CTSL: variants seen among roughly 807,000 people sequenced by gnomAD.
The protein encoded by CTSL is cathepsin L, also known as procathepsin L.
Under a neutral mutation model 34.7 loss-of-function variants are expected in CTSL, and 23 were observed. That is an observed-to-expected ratio of 0.66 (90% CI 0.48 to 0.94). The LOEUF is 0.94. Among genes scored for constraint, CTSL ranks in the 40% least tolerant of loss-of-function variants. CTSL has a pLI of 0.00. For synonymous variants in CTSL, 129 were observed against 136.7 expected, an observed-to-expected ratio of 0.94 and a Z score of 0.39; for missense variants, 361 against 406.3, an observed-to-expected ratio of 0.89 and a Z score of 0.96.
chr9:87,729,176 A>G (rs545985641), intron 5 of CTSL, among the ~76,000 whole-genome samples: 1 of 152,174 alleles, frequency 6.6e-6, no homozygotes, highest in African/African-American at 2.4e-5. Context: ...AAAAAAAAAA[A>G]AAAGTTCACA....
chr9:87,729,229 C>CATTATAAATTATT (rs1191578977), intron 5 of CTSL, among the ~76,000 whole-genome samples: 1 of 151,870 alleles, frequency 6.6e-6, no homozygotes, highest in African/African-American at 2.4e-5. Context: ...TCAGTACTGT[C>CATTATAAATTATT]ATTATAAATT....
chr9:87,728,436 A>G, intron 4 of CTSL, 40 bp downstream of exon 4: 1 of 1,599,164 alleles, frequency 6.3e-7, no homozygotes, highest in Non-Finnish European at 8.5e-7. Context: ...TCTTCCCAGG[A>G]AAGCCAAGAA....
intron 5 of CTSL, among the ~76,000 whole-genome samples, chr9:87,729,174 A>AG (rs1323467434): frequency 1.3e-5 from 2 of 152,034 alleles, no homozygotes; most frequent in Non-Finnish European, 2.9e-5. Flanking sequence ...CCAAAAAAAA[A>AG]AAAAAGTTCA....
chr9:87,727,579 T>C lies in CTSL; in HGVS notation c.-10-15T>C. ...GATTGGTCTAATCAGATCCTCATTT[T>C]TGTTCCCTTCCTAGGTTTTAAAACA... On this transcript the variant is annotated splice_polypyrimidine_tract_variant and intron_variant, in intron 1 of 7. Transcript: ENST00000343150. The C allele has an allele frequency of 6.2e-7, 1 of 1,613,386 alleles. No individual in the cohort carries two copies. The highest frequency in any genetic ancestry group is 1.3e-5 in the African/African-American group (1 of 74,994).
chr9:87,727,586 C>A lies in CTSL; in HGVS notation c.-10-8C>A. On this transcript the variant is annotated splice_region_variant and splice_polypyrimidine_tract_variant and intron_variant, in intron 1 of 7. Coordinates refer to ENST00000343150, the MANE Select transcript of CTSL (RefSeq NM_001912.5). Reference sequence around the variant, plus strand: ...CTAATCAGATCCTCATTTTTGTTCCCTTCCTAGGTTTTAAAACATGAATCC... The same window carrying A: ...CTAATCAGATCCTCATTTTTGTTCCATTCCTAGGTTTTAAAACATGAATCC... The A allele has an allele frequency of 6.2e-7, 1 of 1,613,222 alleles. No homozygotes were observed. The highest frequency in any genetic ancestry group is 8.5e-7 in the Non-Finnish European group (1 of 1,179,784).
At chr9:87,727,488 A>G (rs905183332) in intron 1 of CTSL, 106 bp from the exon 2 acceptor site, 12 of 1,172,500 alleles carry the variant, frequency 1.0e-5, no homozygotes, top group Non-Finnish European at 1.5e-5. Flanking sequence ...TGGGAGAATA[A>G]TTTAAATATT....
rs1410201024 is a variant in CTSL at position 87,727,603 on chromosome 9, C to T, written c.-1C>T. 19 of 1,613,882 alleles carry T rather than the reference C, an allele frequency of 1.2e-5. No individual in the cohort carries two copies. Among genetic ancestry groups the T allele is most frequent in the Non-Finnish European group, 1.6e-5 (19 of 1,179,988 alleles). The stretch of plus-strand genomic sequence containing the variant: ...TTTGTTCCCTTCCTAGGTTTTAAAA[C>T]ATGAATCCTACACTCATCCTTGCTG... On this transcript the variant is annotated 5_prime_UTR_variant, in exon 2 of 8. Coordinates refer to ENST00000343150, the MANE Select transcript of CTSL (RefSeq NM_001912.5).
At chr9:87,728,870 A>G (rs761523886) in intron 5 of CTSL, 61 bp downstream of exon 5, 1 of 1,610,698 alleles carries the variant, frequency 6.2e-7, no homozygotes, top group Non-Finnish European at 8.5e-7. Context: ...ACTTTAAGAG[A>G]TAACAGATAC....
rs1775721869 is a variant in CTSL at position 87,728,763 on chromosome 9, A to G, written c.575A>G (p.Asp192Gly). The G allele has an allele frequency of 6.2e-7, 1 of 1,614,246 alleles. No homozygotes were observed. The highest frequency in any genetic ancestry group is 8.5e-7 in the Non-Finnish European group (1 of 1,180,058). The change falls in exon 5 of 8, where the codon GAT (aspartate) becomes GGT (glycine). Residue 192 changes from aspartate (D) to glycine (G), a missense_variant. Asp to Gly is a moderately conservative substitution (Grantham distance 94). Coordinates refer to ENST00000343150, the MANE Select transcript of CTSL (RefSeq NM_001912.5). Reference sequence around the variant, plus strand: ...GATTATGCTTTCCAGTATGTTCAGGATAATGGAGGCCTGGACTCTGAGGAA... The same window carrying G: ...GATTATGCTTTCCAGTATGTTCAGGGTAATGGAGGCCTGGACTCTGAGGAA... The part of the protein sequence containing the change: ...LMDYAFQYVQ[D>G]NGGLDSEESY...
chr9:87,729,564 C>T lies in CTSL; in HGVS notation c.622-9C>T. The T allele has an allele frequency of 2.5e-6, 4 of 1,609,006 alleles. No homozygotes were observed. Among genetic ancestry groups the T allele is most frequent in the Admixed American group, 1.7e-5 (1 of 58,930 alleles). On this transcript the variant is annotated splice_polypyrimidine_tract_variant and intron_variant, in intron 5 of 7. Coordinates refer to ENST00000343150, the MANE Select transcript of CTSL (RefSeq NM_001912.5). Reference sequence around the variant, plus strand: ...AATCAAGTCTTTTTTTTCCCTTTACCTTTGAAAGGAAGAATCCTGTAAGTA... The same window carrying T: ...AATCAAGTCTTTTTTTTCCCTTTACTTTTGAAAGGAAGAATCCTGTAAGTA...
Position 87,728,572 on chromosome 9 carries a change from A to G in CTSL, c.397-13A>G. The G allele has an allele frequency of 6.3e-7, 1 of 1,597,770 alleles. No individual in the cohort carries two copies. The highest frequency in any genetic ancestry group is 1.4e-5 in the African/African-American group (1 of 73,694). ...TTTTTGTGGATGACAGCTTTTTTTA[A>G]TTCCCTTTTCAGGGTCAGTGTGGTT... On this transcript the variant is annotated splice_polypyrimidine_tract_variant and intron_variant, in intron 4 of 7. Transcript: ENST00000343150.
In CTSL at chr9:87,728,400, A is replaced by C. The variant is rs1475180412; in HGVS notation, c.396+4A>C. 6.2e-7 allele frequency: 1 copy of C among 1,612,448 alleles called. No homozygotes were observed. Among genetic ancestry groups the C allele is most frequent in the East Asian group, 2.2e-5 (1 of 44,864 alleles). ...CGTGACTCCTGTGAAGAATCAGGTG[A>C]GACAGTGTCAGGTTCAGACCTCCCA... On this transcript the variant is annotated splice_donor_region_variant and intron_variant, in intron 4 of 7. Coordinates refer to ENST00000343150, the MANE Select transcript of CTSL (RefSeq NM_001912.5).
chr9:87,728,638 G>A lies in CTSL; in HGVS notation c.450G>A (p.Gln150=), dbSNP rs772325261. 8 of 1,614,006 alleles carry A rather than the reference G, an allele frequency of 5.0e-6. No individual in the cohort carries two copies. The Admixed American group carries it at 1.3e-4, about 27-fold the overall frequency. The change falls in exon 5 of 8, where the codon CAG becomes CAA. Residue 150 remains glutamine (Q), a synonymous_variant. Transcript: ENST00000343150. ...GTGCTACTGGTGCTCTTGAAGGACA[G>A]ATGTTCCGGAAAACTGGGAGGCTTA... The part of the protein sequence containing the change: ...AFSATGALEG[Q]MFRKTGRLIS...
Position 87,728,826 on chromosome 9 carries a change from G to C in CTSL, c.621+17G>C. The C allele has an allele frequency of 1.2e-6, 2 of 1,614,158 alleles. No homozygotes were observed. The highest frequency in any genetic ancestry group is 1.7e-6 in the Non-Finnish European group (2 of 1,180,020). On this transcript the variant is annotated intron_variant, in intron 5 of 7. Coordinates refer to ENST00000343150, the MANE Select transcript of CTSL (RefSeq NM_001912.5). ...GAGGCAACAGTAAGTGGAGCTCCTTGTCATCATTCCAGCTCAGCTTTTGGA... is the reference window on the plus strand; with the variant it reads ...GAGGCAACAGTAAGTGGAGCTCCTTCTCATCATTCCAGCTCAGCTTTTGGA...
At position 87,731,266 on chromosome 9, in the gene CTSL, G is replaced by T. The variant is rs777199989; in HGVS notation, c.*159G>T. 22 of 499,312 alleles carry T rather than the reference G, an allele frequency of 4.4e-5. No individual in the cohort carries two copies. Among genetic ancestry groups the T allele is most frequent in the Non-Finnish European group, 6.5e-5 (18 of 278,732 alleles). The allele number at this position is 499,312 out of a possible 1,614,324, so 30.9% of individuals were successfully genotyped here. A position where few individuals can be genotyped will look rare whatever the true frequency, so the allele number is the denominator to read the frequency against. ...CTGTGATATTTTCACACTGGTAAAT[G>T]TTACCTCTATTTTAATTACTGCTAT... On this transcript the variant is annotated 3_prime_UTR_variant, in exon 8 of 8. Coordinates refer to ENST00000343150, the MANE Select transcript of CTSL (RefSeq NM_001912.5).
chr9:87,728,213 T>C, intron 3 of CTSL, 37 bp from the exon 4 acceptor site: 1 of 1,614,130 alleles, frequency 6.2e-7, no homozygotes, highest in South Asian at 1.1e-5. Context: ...TAAGGTAATC[T>C]CTTGCTTTTC....
At chr9:87,728,556 A>G in intron 4 of CTSL, 29 bp from the exon 5 acceptor site, 2 of 1,587,926 alleles carry the variant, frequency 1.3e-6, no homozygotes, top group Non-Finnish European at 1.7e-6. Flanking sequence ...TTTTTTGTGG[A>G]TGACAGCTTT....
rs1347267691 is a variant in CTSL at position 87,728,320 on chromosome 9, A to G, written c.320A>G (p.Gln107Arg). ...AAGCCCAGGAAGGGGAAAGTGTTCCAGGAACCTCTGTTTTATGAGGCCCCC... is the reference window on the plus strand; with the variant it reads ...AAGCCCAGGAAGGGGAAAGTGTTCCGGGAACCTCTGTTTTATGAGGCCCCC... ...NRKPRKGKVF[Q>R]EPLFYEAPRS... Residue 107 changes from glutamine to arginine, a missense_variant, in exon 4 of 8, where the codon CAG becomes CGG. Transcript: ENST00000343150. 2 of 1,614,216 alleles carry G rather than the reference A, an allele frequency of 1.2e-6. No individual in the cohort carries two copies. The highest frequency in any genetic ancestry group is 3.3e-5 in the Admixed American group (2 of 60,020).
At chr9:87,729,032 A>C in intron 5 of CTSL, 2 of 1,252,000 alleles carry the variant, frequency 1.6e-6, no homozygotes, top group Non-Finnish European at 2.1e-6. Context: ...TCAAAAATAC[A>C]ACGAAAATTA....
Sources: gnomAD v4.1 joint callset for allele counts (sites outside exome capture counted in the v4.1 genomes callset) on GRCh38, gnomAD v4.1.1 for gene constraint, MANE v1.5 for transcripts, NCBI Gene and HGNC (gene_info 2026-07-23, HGNC 2026-07-21) for gene names.